The following AGBL4 variants were observed in gnomAD, a reference collection of about 807,000 sequenced individuals.
The protein encoded by AGBL4 is cytosolic carboxypeptidase 6.
AGBL4 carries 58 observed loss-of-function variants against 66.4 expected under a neutral mutation model. The observed-to-expected ratio is 0.87, with a 90% confidence interval of 0.71 to 1.09. AGBL4 has a LOEUF of 1.09. Among genes scored for constraint, AGBL4 ranks in the 50% least tolerant of loss-of-function variants. AGBL4 has a pLI of 0.00. For synonymous variants in AGBL4, 234 were observed against 222.9 expected (o/e 1.05, Z -0.44); for missense variants, 579 against 631.0 (o/e 0.92, Z 0.88).
chr1:48,643,254 C>A lies in AGBL4; in HGVS notation c.840-8650G>T, dbSNP rs1645785892. On this transcript the variant is annotated intron_variant, in intron 8 of 13. Coordinates refer to ENST00000371839, the MANE Select transcript of AGBL4 (RefSeq NM_032785.4). ...CATGATAGGGCCTGTGAGCTAATAA[C>A]AAAAAGGTGCCCCCTCTGTGGGCTG... Among the ~76,000 whole-genome samples the A allele has an allele frequency of 3.3e-5, 5 of 152,256 alleles. No individual in the cohort carries two copies. The South Asian group carries it at 1.0e-3, about 32-fold the overall frequency.
chr1:49,512,228 G>T (rs1649334647), intron 3 of AGBL4, among the ~76,000 whole-genome samples: 2 of 151,974 alleles, frequency 1.3e-5, no homozygotes, highest in Admixed American at 1.3e-4. Context: ...TGGTATAGTG[G>T]AAAGAGCCTG....
At chr1:49,493,870 C>A (rs1026208522) in intron 3 of AGBL4, among the ~76,000 whole-genome samples, 2 of 151,958 alleles carry the variant, frequency 1.3e-5, no homozygotes, top group Non-Finnish European at 2.9e-5. Flanking sequence ...GCTGCCATAT[C>A]TCTTTTTTAA....
chr1:48,871,354 TG>T, intron 5 of AGBL4, among the ~76,000 whole-genome samples: 1 of 2,314 alleles, frequency 4.3e-4, no homozygotes, highest in Admixed American at 0.012. Flanking sequence ...TAGTAGTGGT[TG>T]TGTGTGTGTG....
At chr1:49,801,076 A>T (rs1346235659) in intron 2 of AGBL4, among the ~76,000 whole-genome samples, 1 of 152,176 alleles carries the variant, frequency 6.6e-6, no homozygotes, top group South Asian at 2.1e-4. Flanking sequence ...TGTGACATTT[A>T]TGCAGCCAAA....
intron 11 of AGBL4, among the ~76,000 whole-genome samples, chr1:48,575,587 C>T (rs138372885): frequency 9.2e-5 from 14 of 152,254 alleles, no homozygotes; most frequent in African/African-American, 3.4e-4. Flanking sequence ...ACACCCAAGG[C>T]CCAGACATGT....
At chr1:49,012,037 A>T (rs756919525) in intron 5 of AGBL4, among the ~76,000 whole-genome samples, 8 of 151,572 alleles carry the variant, frequency 5.3e-5, no homozygotes, top group African/African-American at 1.9e-4. Context: ...ATAATAATAA[A>T]AGAAAAAAAA....
chr1:49,339,826 G>T (rs1356652902), intron 3 of AGBL4, among the ~76,000 whole-genome samples: 3 of 152,236 alleles, frequency 2.0e-5, no homozygotes, highest in Non-Finnish European at 1.5e-5. Context: ...TTATTCCATG[G>T]TCATGTATCC....
chr1:49,044,279 C>T (rs1644021281), intron 5 of AGBL4, among the ~76,000 whole-genome samples: 1 of 151,964 alleles, frequency 6.6e-6, no homozygotes, highest in East Asian at 1.9e-4. Context: ...GGGTGGATCG[C>T]CTGAGGTCAG....
In AGBL4 at chr1:49,888,264, T is replaced by C. The variant is rs145194110; in HGVS notation, c.35-36746A>G. Among the ~76,000 whole-genome samples the C allele has an allele frequency of 2.2e-3, 342 of 152,198 alleles. 3 individuals are homozygous for C. Among genetic ancestry groups the C allele is most frequent in the Non-Finnish European group, 3.9e-3 (263 of 67,952 alleles). On this transcript the variant is annotated intron_variant, in intron 1 of 13. Coordinates refer to ENST00000371839, the MANE Select transcript of AGBL4 (RefSeq NM_032785.4). ...TTTAATTGATCAATATTATAAAAAA[T>C]TAACACAACTTACCATAACATTAAC...
At position 49,460,321 on chromosome 1, in the gene AGBL4, G is replaced by C. The variant is rs952584919; in HGVS notation, c.283-214457C>G. Among the ~76,000 whole-genome samples the C allele has an allele frequency of 2.0e-5, 3 of 151,540 alleles. No homozygotes were observed. In the East Asian group the frequency reaches 5.8e-4, roughly 30 times the overall value. ...ATTGTGATATTTTCCTTTTGGGTTA[G>C]TCCTTTTATCGTTATATGATGTCCC... On this transcript the variant is annotated intron_variant, in intron 3 of 13. Transcript: ENST00000371839.
At position 49,830,941 on chromosome 1, in the gene AGBL4, G is replaced by A. The variant is rs145690899; in HGVS notation, c.157+20455C>T. On this transcript the variant is annotated intron_variant, in intron 2 of 13. Transcript: ENST00000371839. The stretch of plus-strand genomic sequence containing the variant: ...GTAGATGTGTGGTGTTATTTCTGAG[G>A]CCTCTGTTCTGTTCTATTGCTCTAT... 2.7e-3 allele frequency among the ~76,000 whole-genome samples: 409 copies of A among 152,154 alleles called. 1 individual carries two copies. The highest frequency in any genetic ancestry group is 4.1e-3 in the Non-Finnish European group (281 of 67,992).
chr1:49,115,308 C>G (rs887032055), intron 4 of AGBL4, among the ~76,000 whole-genome samples: 5 of 152,090 alleles, frequency 3.3e-5, no homozygotes, highest in African/African-American at 1.2e-4. Flanking sequence ...GTATGTGTAT[C>G]TTTTCTGTGT....
At chr1:49,574,297 T>C (rs1283603720) in intron 3 of AGBL4, among the ~76,000 whole-genome samples, 1 of 152,196 alleles carries the variant, frequency 6.6e-6, no homozygotes, top group Non-Finnish European at 1.5e-5. Context: ...GACCACTAAG[T>C]AGGGACTCTG....
At position 49,083,994 on chromosome 1, in the gene AGBL4, A is replaced by T. The variant is rs538841972; in HGVS notation, c.378-38194T>A. On this transcript the variant is annotated intron_variant, in intron 4 of 13. Transcript: ENST00000371839. ...CCAGTCTCTTTGCTAAAGCATAACA[A>T]GAGTCACCTTTGCTCCAGTTCCCAA... Among the ~76,000 whole-genome samples, 3 of 152,334 alleles carry T rather than the reference A, an allele frequency of 2.0e-5. No homozygotes were observed. In the East Asian group the frequency reaches 5.8e-4, roughly 29 times the overall value.
At chr1:48,530,578 G>A (rs539742237), downstream of AGBL4, among the ~76,000 whole-genome samples, 12 of 152,242 alleles carry the variant, frequency 7.9e-5, no homozygotes, top group Admixed American at 7.2e-4. Flanking sequence ...GTTGGCTGCC[G>A]CAAAGCAAAC....
At chr1:49,333,718 A>C (rs1057020399) in intron 3 of AGBL4, among the ~76,000 whole-genome samples, 1 of 152,210 alleles carries the variant, frequency 6.6e-6, no homozygotes, top group East Asian at 1.9e-4. Flanking sequence ...AGTCCTTATA[A>C]TAAATTTAAA....
intron 3 of AGBL4, among the ~76,000 whole-genome samples, chr1:49,393,848 CTGATTACTCACATTTACT>C (rs1379575767): frequency 2.6e-5 from 4 of 152,056 alleles, no homozygotes; most frequent in Admixed American, 6.6e-5. Context: ...ATTCATTTAC[CTGATTACTCACATTTACT>C]TGATTACTCA....
intron 5 of AGBL4, among the ~76,000 whole-genome samples, chr1:48,924,422 G>T (rs935659374): frequency 6.6e-6 from 1 of 152,182 alleles, no homozygotes; most frequent in South Asian, 2.1e-4. Context: ...TACTGAGAGG[G>T]TCTGTTGGCA....
chr1:49,655,871 G>A (rs1558137520), intron 3 of AGBL4, among the ~76,000 whole-genome samples: 3 of 152,152 alleles, frequency 2.0e-5, no homozygotes, highest in African/African-American at 4.8e-5. Context: ...AGGGGGTGCT[G>A]GGCGTGGTGG....
Sources: allele counts gnomAD v4.1 joint callset (sites outside exome capture counted in the v4.1 genomes callset), GRCh38; gene constraint gnomAD v4.1.1; transcripts MANE v1.5; gene names NCBI Gene and HGNC (gene_info 2026-07-23, HGNC 2026-07-21).